The following DYM variants were observed in gnomAD, a reference collection of about 807,000 sequenced individuals.
The protein encoded by DYM is dyggve-Melchior-Clausen syndrome protein.
DYM carries 78 observed loss-of-function variants against 93.1 expected under a neutral mutation model. That is an observed-to-expected ratio of 0.84 (90% CI 0.70 to 1.01). DYM has a LOEUF of 1.01. DYM is among the 50% of genes least tolerant of loss of function. The pLI is 0.00. For missense variants in DYM, 789 were observed against 845.0 expected (o/e 0.93, Z 0.82); for synonymous variants, 321 against 319.7 (o/e 1.00, Z -0.04).
intron 17 of DYM, among the ~76,000 whole-genome samples, chr18:49,087,566 A>G (rs894964863): frequency 1.3e-5 from 2 of 152,208 alleles, no homozygotes; most frequent in Non-Finnish European, 2.9e-5. Context: ...TGTTTACTGC[A>G]ATTTCAATAT....
chr18:49,176,510 A>T (rs1274180746), intron 14 of DYM, among the ~76,000 whole-genome samples: 1 of 151,632 alleles, frequency 6.6e-6, no homozygotes, highest in Non-Finnish European at 1.5e-5. Context: ...TTCTGGACCC[A>T]AGTGATTCTC....
In DYM at chr18:49,125,201, AGTGAGCCGAGATT is replaced by A. The variant is rs202056679; in HGVS notation, c.1729-6288_1729-6276del. ...CTTGAACCCAGCAGGCGGAGGTTGC[AGTGAGCCGAGATT>A]GCCTACTGCACTCCAGCCTGGGTGA... On this transcript the variant is annotated intron_variant, in intron 15 of 17. Coordinates refer to ENST00000675505, the MANE Select transcript of DYM (RefSeq NM_001353214.3). 9.6e-3 allele frequency among the ~76,000 whole-genome samples: 1,457 copies of A among 152,330 alleles called. 22 individuals carry two copies. The highest frequency in any genetic ancestry group is 0.033 in the African/African-American group (1,390 of 41,566).
chr18:49,125,272 T>C (rs2082707990), intron 15 of DYM, among the ~76,000 whole-genome samples: 1 of 152,128 alleles, frequency 6.6e-6, no homozygotes, highest in African/African-American at 2.4e-5. Flanking sequence ...GGTAAATAAA[T>C]AAATAAAGTT....
chr18:49,272,394 C>T lies in DYM; in HGVS notation c.1126-91G>A, dbSNP rs1023294061. 22 of 890,722 alleles carry T rather than the reference C, an allele frequency of 2.5e-5. No individual in the cohort carries two copies. In the South Asian group the frequency reaches 3.3e-4, roughly 13 times the overall value. 55.2% of individuals were successfully genotyped at this position (890,722 alleles called of 1,614,324 possible). A position where few individuals can be genotyped will look rare whatever the true frequency, so the allele number is the denominator to read the frequency against. ...TTACACTTTCATTTTGTGCTCTTTGCTTTAATATCAGTTATATTTTTCATT... is the reference window on the plus strand; with the variant it reads ...TTACACTTTCATTTTGTGCTCTTTGTTTTAATATCAGTTATATTTTTCATT... On this transcript the variant is annotated intron_variant, in intron 10 of 17. Coordinates refer to ENST00000675505, the MANE Select transcript of DYM (RefSeq NM_001353214.3).
intron 13 of DYM, among the ~76,000 whole-genome samples, chr18:49,245,619 A>G (rs568373053): frequency 4.2e-4 from 64 of 152,206 alleles, no homozygotes; most frequent in Non-Finnish European, 6.5e-4. Context: ...CTCGAACCCT[A>G]TTTCCTGTTA....
chr18:49,417,180 T>C (rs2073091722), intron 2 of DYM, among the ~76,000 whole-genome samples: 1 of 152,148 alleles, frequency 6.6e-6, no homozygotes, highest in Admixed American at 6.6e-5. Flanking sequence ...CAGGGTCTTG[T>C]TCTGTTGCCC....
intron 13 of DYM, among the ~76,000 whole-genome samples, chr18:49,255,475 C>T (rs897397592): frequency 6.6e-6 from 1 of 152,028 alleles, no homozygotes; most frequent in African/African-American, 2.4e-5. Context: ...GAGTTTGAGA[C>T]CAACCTGACC....
At chr18:49,191,274 T>C (rs1248688728) in intron 14 of DYM, among the ~76,000 whole-genome samples, 1 of 152,236 alleles carries the variant, frequency 6.6e-6, no homozygotes, top group Non-Finnish European at 1.5e-5. Flanking sequence ...ATCACCATTG[T>C]AAATTATACT....
chr18:49,171,629 C>G (rs1488149847), intron 14 of DYM, among the ~76,000 whole-genome samples: 1 of 152,094 alleles, frequency 6.6e-6, no homozygotes, highest in South Asian at 2.1e-4. Context: ...GTGGGAGCTA[C>G]AAACCAAATC....
chr18:49,092,609 G>A (rs973105633), intron 17 of DYM, among the ~76,000 whole-genome samples: 4 of 152,162 alleles, frequency 2.6e-5, no homozygotes, highest in Non-Finnish European at 5.9e-5. Flanking sequence ...TGGTCAAAGT[G>A]GGGGTAAAAT....
At chr18:49,386,447 G>C (rs530604338) in intron 3 of DYM, among the ~76,000 whole-genome samples, 1 of 152,110 alleles carries the variant, frequency 6.6e-6, no homozygotes, top group Non-Finnish European at 1.5e-5. Flanking sequence ...CCCTTGATAC[G>C]GTGTGTTGAG....
intron 17 of DYM, among the ~76,000 whole-genome samples, chr18:49,063,074 T>G (rs531562483): frequency 2.0e-5 from 3 of 152,272 alleles, no homozygotes; most frequent in Admixed American, 1.3e-4. Flanking sequence ...CCCTACTAAT[T>G]GGAACTTTCA....
chr18:49,181,786 A>C (rs146363777), intron 14 of DYM, among the ~76,000 whole-genome samples: 1 of 152,230 alleles, frequency 6.6e-6, no homozygotes, highest in East Asian at 1.9e-4. Flanking sequence ...TTTTAATTTT[A>C]TCTACTGCAT....
At chr18:49,379,643 A>G in intron 4 of DYM, 22 bp downstream of exon 4, 1 of 1,564,814 alleles carries the variant, frequency 6.4e-7, no homozygotes, top group East Asian at 2.2e-5. Context: ...TAAAGCAAAC[A>G]TGGTTTAATT....
In DYM at chr18:49,460,543, G is replaced by C. The variant is rs1324739716; in HGVS notation, c.-199C>G. The C allele has an allele frequency of 6.6e-6, 1 of 152,288 alleles. No individual in the cohort carries two copies. The highest frequency in any genetic ancestry group is 1.9e-4 in the East Asian group (1 of 5,182). 9.4% of individuals were successfully genotyped at this position (152,288 alleles called of 1,614,324 possible). ...CAGGCCTCCATGTTTCCACGTCTCA[G>C]CGGGTACAGATCCGGCTCCGGTCCG... On this transcript the variant is annotated 5_prime_UTR_variant, in exon 1 of 18. Coordinates refer to ENST00000675505, the MANE Select transcript of DYM (RefSeq NM_001353214.3).
chr18:49,203,897 A>AAAAAAAAAAAAAACC, intron 14 of DYM, among the ~76,000 whole-genome samples: 1 of 132,332 alleles, frequency 7.6e-6, no homozygotes, highest in East Asian at 2.9e-4. Flanking sequence ...AAAAAAAAAA[A>AAAAAAAAAAAAAACC]ACAACTCTGG....
At chr18:49,086,753 T>A (rs192361429) in intron 17 of DYM, among the ~76,000 whole-genome samples, 1 of 151,890 alleles carries the variant, frequency 6.6e-6, no homozygotes, top group African/African-American at 2.4e-5. Context: ...TTTGGGAGGC[T>A]AAGGTGGGTG....
chr18:49,401,951 G>A (rs1171593473), intron 2 of DYM, among the ~76,000 whole-genome samples: 3 of 151,708 alleles, frequency 2.0e-5, no homozygotes, highest in East Asian at 1.9e-4. Context: ...ACTTGAACCC[G>A]GAAGGTGGAG....
intron 1 of DYM, among the ~76,000 whole-genome samples, chr18:49,449,402 T>C (rs112532190): frequency 0.015 from 2,214 of 152,218 alleles, 52 homozygotes; most frequent in African/African-American, 0.05. Flanking sequence ...CAATTCCCAA[T>C]AGGAAGAGAG....
Sources: allele counts gnomAD v4.1 joint callset (sites outside exome capture counted in the v4.1 genomes callset), GRCh38; gene constraint gnomAD v4.1.1; transcripts MANE v1.5; gene names NCBI Gene and HGNC (gene_info 2026-07-23, HGNC 2026-07-21).